Variants in LRP1B observed in about 807,000 individuals in gnomAD.
The protein encoded by LRP1B is low-density lipoprotein receptor-related protein 1B.
A neutral mutation model predicts 556.6 loss-of-function variants in LRP1B; 217 were observed. The ratio of observed to expected loss-of-function variants is 0.39; its 90% CI spans 0.35 to 0.44. The LOEUF is 0.44. LRP1B is among the 20% of genes least tolerant of loss of function. LRP1B has a pLI of 1.00. For missense variants in LRP1B, 5,053 were observed against 5,620.8 expected (o/e 0.90, Z 3.23); for synonymous variants, 2,047 against 1,865.8 (o/e 1.10, Z -2.50).
At chr2:140,747,191 C>G (rs1285389019) in intron 35 of LRP1B, among the ~76,000 whole-genome samples, 2 of 152,110 alleles carry the variant, frequency 1.3e-5, no homozygotes, top group Admixed American at 1.3e-4. Flanking sequence ...GAGCAGCTCT[C>G]TCTGCCCTGA....
intron 66 of LRP1B, among the ~76,000 whole-genome samples, chr2:140,402,434 C>T (rs1490734841): frequency 1.3e-5 from 2 of 152,190 alleles, no homozygotes; most frequent in Non-Finnish European, 2.9e-5. Flanking sequence ...TGCATGGTTG[C>T]ACCTGTAGAC....
chr2:142,060,693 CTA>C (rs1704873704), intron 1 of LRP1B, among the ~76,000 whole-genome samples: 1 of 152,000 alleles, frequency 6.6e-6, no homozygotes, highest in African/African-American at 2.4e-5. Flanking sequence ...GAAAAAGTCT[CTA>C]TGTTTTAAGA....
At chr2:141,907,099 G>A (rs761441625) in intron 1 of LRP1B, among the ~76,000 whole-genome samples, 3 of 151,994 alleles carry the variant, frequency 2.0e-5, no homozygotes, top group African/African-American at 4.8e-5. Context: ...AGTTCAGTTG[G>A]CATAAAACTT....
chr2:141,033,196 A>G lies in LRP1B; in HGVS notation c.1790-13094T>C, dbSNP rs80065389. Among the ~76,000 whole-genome samples, 340 of 151,950 alleles carry G rather than the reference A, an allele frequency of 2.2e-3. 1 individual carries two copies. Among genetic ancestry groups the G allele is most frequent in the African/African-American group, 7.9e-3 (329 of 41,476 alleles). ...AACTGTGAGAAAAGAGTGTGCACGAACAGTGGTGGAAGGGAGGGAGGGAAG... is the reference window on the plus strand; with the variant it reads ...AACTGTGAGAAAAGAGTGTGCACGAGCAGTGGTGGAAGGGAGGGAGGGAAG... On this transcript the variant is annotated intron_variant, in intron 11 of 90. Transcript: ENST00000389484.
At chr2:140,525,794 C>T (rs2104966584) in intron 49 of LRP1B, 50 bp downstream of exon 49, 2 of 1,570,910 alleles carry the variant, frequency 1.3e-6, no homozygotes, top group Non-Finnish European at 1.7e-6. Flanking sequence ...AACCAGGTAG[C>T]CTCAAAATCT....
At chr2:140,947,342 A>T (rs547264473) in intron 20 of LRP1B, among the ~76,000 whole-genome samples, 15 of 152,252 alleles carry the variant, frequency 9.9e-5, no homozygotes, top group Non-Finnish European at 1.8e-4. Flanking sequence ...TACCCTTTTG[A>T]AAACAATTTG....
At chr2:141,193,666 A>AC (rs1681618238) in intron 6 of LRP1B, among the ~76,000 whole-genome samples, 1 of 150,952 alleles carries the variant, frequency 6.6e-6, no homozygotes, top group Non-Finnish European at 1.5e-5. Context: ...TGTACAACAA[A>AC]CCCCCATAAC....
chr2:140,526,597 A>C (rs1383724972), intron 47 of LRP1B, among the ~76,000 whole-genome samples: 1 of 151,188 alleles, frequency 6.6e-6, no homozygotes, highest in Non-Finnish European at 1.5e-5. Context: ...CTGCCTGTTT[A>C]AGTACCTGAA....
intron 23 of LRP1B, among the ~76,000 whole-genome samples, chr2:140,901,021 G>GT (rs1694089739): frequency 6.6e-6 from 1 of 152,110 alleles, no homozygotes; most frequent in East Asian, 1.9e-4. Flanking sequence ...AGAAAGTCGT[G>GT]CTTTTTTTAA....
chr2:140,501,686 C>A lies in LRP1B; in HGVS notation c.8850+1G>T. ...ATTTGCTACTTTTGATGAGTACCTA[C>A]CTTATAACTGACCGGAAGGTCTTGA... On this transcript the variant is annotated splice_donor_variant, in intron 55 of 90. Coordinates refer to ENST00000389484, the MANE Select transcript of LRP1B (RefSeq NM_018557.3). LOFTEE classifies it high-confidence loss of function. The A allele has an allele frequency of 1.9e-6, 3 of 1,607,542 alleles. No individual in the cohort carries two copies. Among genetic ancestry groups the A allele is most frequent in the Non-Finnish European group, 2.6e-6 (3 of 1,176,244 alleles).
intron 1 of LRP1B, among the ~76,000 whole-genome samples, chr2:142,040,755 C>CA (rs1704037626): frequency 6.6e-6 from 1 of 150,540 alleles, no homozygotes; most frequent in African/African-American, 2.4e-5. Flanking sequence ...ATCACATTTT[C>CA]AAAGGAAATG....
intron 2 of LRP1B, among the ~76,000 whole-genome samples, chr2:141,509,979 A>G (rs1243929702): frequency 6.6e-6 from 1 of 152,072 alleles, no homozygotes; most frequent in Non-Finnish European, 1.5e-5. Context: ...TTTGTCCTCT[A>G]TCATTTAGAA....
At chr2:141,679,186 G>A (rs1691014068) in intron 2 of LRP1B, among the ~76,000 whole-genome samples, 1 of 152,054 alleles carries the variant, frequency 6.6e-6, no homozygotes, top group African/African-American at 2.4e-5. Flanking sequence ...AATAACACAC[G>A]AGTAAGCCTG....
intron 3 of LRP1B, among the ~76,000 whole-genome samples, chr2:141,316,730 C>G (rs940576664): frequency 6.6e-6 from 1 of 152,206 alleles, no homozygotes; most frequent in Admixed American, 6.5e-5. Context: ...AGAATCTGCA[C>G]GCTGACTCGC....
rs1387160398 is a variant in LRP1B at position 141,803,988 on chromosome 2, T to G, written c.205+6291A>C. ...GCAGATTCACATCTCACCTAATGAC[T>G]TATAGACATTTTCATTTTTCATAGA... On this transcript the variant is annotated intron_variant, in intron 2 of 90. Coordinates refer to ENST00000389484, the MANE Select transcript of LRP1B (RefSeq NM_018557.3). Among the ~76,000 whole-genome samples, 4 of 152,240 alleles carry G rather than the reference T, an allele frequency of 2.6e-5. No homozygotes were observed. The East Asian group carries it at 7.7e-4, about 29-fold the overall frequency.
At chr2:140,288,126 G>A (rs561208719) in intron 84 of LRP1B, among the ~76,000 whole-genome samples, 1 of 138,850 alleles carries the variant, frequency 7.2e-6, no homozygotes, top group Admixed American at 7.8e-5. Context: ...CTTGGACTCA[G>A]AACATATACA....
chr2:140,537,225 TATA>T (rs1041790630), intron 45 of LRP1B, among the ~76,000 whole-genome samples: 8 of 147,896 alleles, frequency 5.4e-5, no homozygotes, highest in East Asian at 2.0e-4. Flanking sequence ...ATAATAATAA[TATA>T]ATAATTATTA....
chr2:141,214,395 A>G (rs1682696537), intron 6 of LRP1B, among the ~76,000 whole-genome samples: 1 of 152,186 alleles, frequency 6.6e-6, no homozygotes, highest in Non-Finnish European at 1.5e-5. Flanking sequence ...TTACTCTAAA[A>G]GACATCAGTT....
chr2:140,463,785 C>A (rs1687420088), intron 60 of LRP1B, among the ~76,000 whole-genome samples: 1 of 152,120 alleles, frequency 6.6e-6, no homozygotes. Flanking sequence ...AGATTATATG[C>A]TAACTTTTGA....
Sources: allele counts gnomAD v4.1 joint callset (sites outside exome capture counted in the v4.1 genomes callset), GRCh38; gene constraint gnomAD v4.1.1; transcripts MANE v1.5; gene names NCBI Gene and HGNC (gene_info 2026-07-23, HGNC 2026-07-21).